The following PTPRA variants were observed in gnomAD, a reference collection of about 807,000 sequenced individuals.
The protein encoded by PTPRA is receptor-type tyrosine-protein phosphatase alpha.
In PTPRA, 25 loss-of-function variants were observed where a neutral mutation model predicts 104.8. That is an observed-to-expected ratio of 0.24 (90% CI 0.17 to 0.33). The LOEUF is 0.33. Ranked by LOEUF, PTPRA falls within the 10% of genes least tolerant of loss-of-function variation. The pLI, the probability that PTPRA is intolerant of heterozygous loss-of-function variation, is 1.00. For synonymous variants in PTPRA, 323 were observed against 368.9 expected (o/e 0.88, Z 1.43); for missense variants, 765 against 1,015.3 (o/e 0.75, Z 3.35).
At chr20:2,992,089 T>C (rs2063199830) in intron 9 of PTPRA, among the ~76,000 whole-genome samples, 1 of 152,210 alleles carries the variant, frequency 6.6e-6, no homozygotes, top group African/African-American at 2.4e-5. Context: ...AGTTAACTGT[T>C]GATGTCAATA....
In PTPRA at chr20:3,022,857, G is replaced by T; in HGVS notation, c.1464+33G>T. On this transcript the variant is annotated intron_variant, in intron 16 of 23. Coordinates refer to ENST00000399903, the MANE Select transcript of PTPRA (RefSeq NM_001385305.1). The surrounding 1 kb of genome is among the most constrained non-coding windows in gnomAD (Gnocchi z 4.6). ...ATCTGTGGGTCAGGTGAGGGTGGGG[G>T]GTTCCAGGACTAAAACATCTGCCCA... is the stretch of plus-strand genomic sequence containing the variant. The T allele has an allele frequency of 1.2e-6, 2 of 1,613,636 alleles. No individual in the cohort carries two copies. Among genetic ancestry groups the T allele is most frequent in the Non-Finnish European group, 1.7e-6 (2 of 1,179,774 alleles).
upstream of PTPRA, chr20:2,873,405 G>A (rs2089481151): frequency 6.6e-6 from 1 of 152,200 alleles, no homozygotes; most frequent in African/African-American, 2.4e-5. This position sits in a 1 kb window ranked among gnomAD's most constrained non-coding sequence, Gnocchi z 4.4. Flanking sequence ...GCGCGGGCCG[G>A]AGACGCCCGT....
chr20:3,000,696 A>G (rs2063587753), intron 9 of PTPRA, among the ~76,000 whole-genome samples: 1 of 152,192 alleles, frequency 6.6e-6, no homozygotes, highest in Admixed American at 6.5e-5. Flanking sequence ...AGCACTACAA[A>G]GTAGCTGAAG....
At chr20:2,883,651 C>CAAAAAAAAAAAAAAAAAAAAAAA (rs71195803) in intron 1 of PTPRA, among the ~76,000 whole-genome samples, 1 of 3,250 alleles carries the variant, frequency 3.1e-4, no homozygotes, top group Non-Finnish European at 4.5e-4. Flanking sequence ...GACTCCGTCT[C>CAAAAAAAAAAAAAAAAAAAAAAA]AAAAAAAAAA....
chr20:2,973,199 GA>G (rs1387206656), intron 5 of PTPRA, among the ~76,000 whole-genome samples: 6 of 150,974 alleles, frequency 4.0e-5, no homozygotes, highest in African/African-American at 1.5e-4. Flanking sequence ...TTCTTCCAAA[GA>G]ACTTGCTATT....
the PTPRA span, chr20:2,865,367 C>G: frequency 6.2e-7 from 1 of 1,613,970 alleles, no homozygotes; most frequent in Admixed American, 1.7e-5. The surrounding 1 kb of genome is among the most constrained non-coding windows in gnomAD (Gnocchi z 5.2). Context: ...CCTGCCTCTC[C>G]TGCAACACCT....
At chr20:2,911,188 CT>C (rs1400969326) in intron 1 of PTPRA, among the ~76,000 whole-genome samples, 1 of 152,006 alleles carries the variant, frequency 6.6e-6, no homozygotes, top group African/African-American at 2.4e-5. Flanking sequence ...AATAGTTCTG[CT>C]TTTGGTAGGA....
At chr20:2,899,961 G>C (rs1019368457) in intron 1 of PTPRA, among the ~76,000 whole-genome samples, 3 of 152,024 alleles carry the variant, frequency 2.0e-5, no homozygotes, top group African/African-American at 7.2e-5. Context: ...ACAAAAGTTA[G>C]CCAGGTGTTG....
chr20:2,875,770 G>A (rs1457743659), intron 1 of PTPRA, among the ~76,000 whole-genome samples: 4 of 152,170 alleles, frequency 2.6e-5, no homozygotes, highest in African/African-American at 4.8e-5. Flanking sequence ...GGCAAATGAG[G>A]GAATAGTCAA....
At position 3,038,148 on chromosome 20, in the gene PTPRA, C is replaced by T; in HGVS notation, c.*15C>T. On this transcript the variant is annotated 3_prime_UTR_variant, in exon 24 of 24. Coordinates refer to ENST00000399903, the MANE Select transcript of PTPRA (RefSeq NM_001385305.1). ...ACTTCAAGTAAGCGGCAACAAGGGT[C>T]CGTGGACCAGGAGGATTGCCTTTAA... is the stretch of plus-strand genomic sequence containing the variant. 1.3e-6 allele frequency: 2 copies of T among 1,592,242 alleles called. No homozygotes were observed. Among genetic ancestry groups the T allele is most frequent in the African/African-American group, 1.3e-5 (1 of 74,500 alleles).
At chr20:2,924,297 G>A (rs145603154) in intron 2 of PTPRA, among the ~76,000 whole-genome samples, 1 of 152,220 alleles carries the variant, frequency 6.6e-6, no homozygotes, top group Admixed American at 6.5e-5. Flanking sequence ...AGCTACTCAG[G>A]AGGCTAAGAC....
intron 11 of PTPRA, among the ~76,000 whole-genome samples, chr20:3,010,292 C>T (rs2064097256): frequency 6.6e-6 from 1 of 152,132 alleles, no homozygotes; most frequent in South Asian, 2.1e-4. Context: ...TCAACAGTCT[C>T]ATGGCCACAA....
At chr20:2,992,624 C>T (rs1006704312) in intron 9 of PTPRA, among the ~76,000 whole-genome samples, 3 of 152,128 alleles carry the variant, frequency 2.0e-5, no homozygotes, top group Non-Finnish European at 4.4e-5. Context: ...GAGCCCAGTA[C>T]TAGGCTAGGA....
chr20:2,874,382 T>G (rs2089574309), intron 1 of PTPRA, among the ~76,000 whole-genome samples: 1 of 149,466 alleles, frequency 6.7e-6, no homozygotes, highest in African/African-American at 2.5e-5. Context: ...TAATTATATC[T>G]CCTGAAGATT....
intron 2 of PTPRA, among the ~76,000 whole-genome samples, chr20:2,939,525 A>G (rs2060827438): frequency 1.3e-5 from 2 of 152,218 alleles, no homozygotes; most frequent in South Asian, 4.1e-4. Context: ...TTGCCTGGTC[A>G]AAATGTTTTT....
intron 1 of PTPRA, among the ~76,000 whole-genome samples, chr20:2,908,236 G>T (rs1389313181): frequency 6.6e-6 from 1 of 152,076 alleles, no homozygotes; most frequent in African/African-American, 2.4e-5. Context: ...CCTTAGTTTG[G>T]TAACATTGAT....
intron 20 of PTPRA, among the ~76,000 whole-genome samples, chr20:3,033,824 C>T (rs752079336): frequency 6.6e-5 from 10 of 150,434 alleles, no homozygotes; most frequent in Non-Finnish European, 1.3e-4. Flanking sequence ...CACTTGAACC[C>T]GGGAGCCGGA....
At chr20:3,007,536 A>C in intron 11 of PTPRA, 116 bp downstream of exon 11, 1 of 1,206,788 alleles carries the variant, frequency 8.3e-7, no homozygotes, top group Non-Finnish European at 1.2e-6. Flanking sequence ...TTCCCTGACA[A>C]GTCTGGTTTT....
At chr20:3,033,945 T>G (rs747334541) in intron 20 of PTPRA, among the ~76,000 whole-genome samples, 1 of 149,178 alleles carries the variant, frequency 6.7e-6, no homozygotes, top group Non-Finnish European at 1.5e-5. Context: ...CCAGAGATCT[T>G]GAGAGAAAAT....
Sources: gnomAD v4.1 joint callset for allele counts (sites outside exome capture counted in the v4.1 genomes callset) on GRCh38, gnomAD v4.1.1 for gene constraint, Gnocchi (gnomAD v3.1) non-coding constraint, MANE v1.5 for transcripts, NCBI Gene and HGNC (gene_info 2026-07-23, HGNC 2026-07-21) for gene names.